Variants in C4orf36 observed in about 807,000 individuals in gnomAD.
The protein encoded by C4orf36 is uncharacterized protein C4orf36.
A neutral mutation model predicts 12.2 loss-of-function variants in C4orf36; 11 were observed. That is an observed-to-expected ratio of 0.90 (90% CI 0.57 to 1.49). C4orf36 has a LOEUF of 1.49. C4orf36 is among the 40% of genes most tolerant of loss of function. C4orf36 has a pLI of 0.00. For synonymous variants in C4orf36, 54 were observed against 51.3 expected (o/e 1.05, Z -0.22); for missense variants, 137 against 133.9 (o/e 1.02, Z -0.11).
the C4orf36 span, among the ~76,000 whole-genome samples, chr4:86,915,155 C>T: frequency 3.3e-5 from 5 of 152,116 alleles, no homozygotes; most frequent in African/African-American, 7.2e-5. Flanking sequence ...GGTGAAAGCC[C>T]TCCCATGCCA....
the C4orf36 span, among the ~76,000 whole-genome samples, chr4:86,921,965 A>C: frequency 6.6e-6 from 1 of 152,226 alleles, no homozygotes; most frequent in East Asian, 1.9e-4. Flanking sequence ...TCTTATTTCA[A>C]GTATAATTTT....
the C4orf36 span, among the ~76,000 whole-genome samples, chr4:86,908,611 T>A: frequency 6.6e-6 from 1 of 151,742 alleles, no homozygotes; most frequent in Non-Finnish European, 1.5e-5. Flanking sequence ...TCTCTCTCTC[T>A]CTCTCTCCCC....
the C4orf36 span, among the ~76,000 whole-genome samples, chr4:86,928,460 C>T: frequency 6.6e-6 from 1 of 152,146 alleles, no homozygotes; most frequent in Non-Finnish European, 1.5e-5. Flanking sequence ...CACCCAGAAG[C>T]CAGTTTCCCA....
the C4orf36 span, among the ~76,000 whole-genome samples, chr4:86,933,952 G>T: frequency 0.061 from 9,358 of 152,246 alleles, 418 homozygotes; most frequent in Non-Finnish European, 0.088. Context: ...GTAGCCAAAG[G>T]TTTAATTTGG....
chr4:86,892,208 G>A lies in C4orf36; in HGVS notation c.-99C>T. ...CTGGGCCCCACCCTGCCTCCGACTC[G>A]CCAGGAATGCGCTGTGTGCGCGGGG... On this transcript the variant is annotated 5_prime_UTR_variant, in exon 1 of 5. Transcript: ENST00000295898. 1.0e-6 allele frequency: 1 copy of A among 985,596 alleles called. No individual in the cohort carries two copies. Among genetic ancestry groups the A allele is most frequent in the Non-Finnish European group, 1.2e-6 (1 of 830,074 alleles). 61.1% of individuals were successfully genotyped at this position (985,596 alleles called of 1,614,324 possible).
At chr4:86,912,023 G>T in the C4orf36 span, among the ~76,000 whole-genome samples, 1 of 152,082 alleles carries the variant, frequency 6.6e-6, no homozygotes, top group Non-Finnish European at 1.5e-5. Context: ...ACCACACCCA[G>T]ATAATTTTTT....
chr4:86,887,995 TAAAC>T, intron 3 of C4orf36, 102 bp from the exon 4 acceptor site: 1 of 1,550,010 alleles, frequency 6.5e-7, no homozygotes, highest in South Asian at 1.2e-5. Context: ...GCCTGAATAA[TAAAC>T]AAGATGACAG....
chr4:86,901,808 A>G, the C4orf36 span, among the ~76,000 whole-genome samples: 1 of 152,164 alleles, frequency 6.6e-6, no homozygotes, highest in Non-Finnish European at 1.5e-5. Context: ...CCTGCCCAGC[A>G]TACTCCCACC....
chr4:86,897,380 C>T (rs1434408575), upstream of C4orf36, among the ~76,000 whole-genome samples: 2 of 151,972 alleles, frequency 1.3e-5, no homozygotes, highest in Non-Finnish European at 2.9e-5. Context: ...AAAAAACATA[C>T]ATACATAAAG....
chr4:86,918,068 CTAA>C, the C4orf36 span, among the ~76,000 whole-genome samples: 9,499 of 152,252 alleles, frequency 0.062, 412 homozygotes, highest in Non-Finnish European at 0.088. Flanking sequence ...TCTTTTCACT[CTAA>C]TGTCACATGG....
At chr4:86,891,240 A>G (rs1048676278) in intron 2 of C4orf36, among the ~76,000 whole-genome samples, 2 of 149,618 alleles carry the variant, frequency 1.3e-5, no homozygotes, top group African/African-American at 2.4e-5. Context: ...TCTCACTTGA[A>G]AGTGTTGTGT....
At chr4:86,897,797 G>A in the C4orf36 span, among the ~76,000 whole-genome samples, 1 of 152,114 alleles carries the variant, frequency 6.6e-6, no homozygotes, top group Non-Finnish European at 1.5e-5. Flanking sequence ...TGCAGAGCTG[G>A]AGTAGTGGGA....
chr4:86,876,488 A>G, intron 4 of C4orf36, 45 bp from the exon 5 acceptor site: 5 of 1,613,708 alleles, frequency 3.1e-6, no homozygotes, highest in Non-Finnish European at 2.5e-6. Flanking sequence ...TTTATCATCC[A>G]AATGAGGTAG....
chr4:86,884,306 T>C (rs1393352328), intron 4 of C4orf36, among the ~76,000 whole-genome samples: 2 of 148,880 alleles, frequency 1.3e-5, no homozygotes, highest in African/African-American at 2.5e-5. Context: ...TGAATTTTTT[T>C]TTTTTTTTTT....
the C4orf36 span, among the ~76,000 whole-genome samples, chr4:86,921,000 T>G: frequency 2.0e-4 from 31 of 151,828 alleles, 2 homozygotes; most frequent in East Asian, 3.7e-3. Flanking sequence ...ACCCCGTCTC[T>G]ACTAAAAATA....
At chr4:86,913,144 T>G in the C4orf36 span, 1 of 297,744 alleles carries the variant, frequency 3.4e-6, no homozygotes, top group Non-Finnish European at 6.4e-6. Flanking sequence ...GGTATTGGCG[T>G]GATATATGTT....
the C4orf36 span, among the ~76,000 whole-genome samples, chr4:86,934,031 G>C: frequency 1.3e-5 from 2 of 152,188 alleles, no homozygotes; most frequent in African/African-American, 4.8e-5. Flanking sequence ...GAGCAGTAGA[G>C]ACAAACAAAA....
chr4:86,880,063 A>C (rs1747014967), intron 4 of C4orf36, among the ~76,000 whole-genome samples: 1 of 152,112 alleles, frequency 6.6e-6, no homozygotes, highest in African/African-American at 2.4e-5. Context: ...CGTATTGCTC[A>C]AGCTGTTCTT....
chr4:86,880,707 A>G (rs1747032321), intron 4 of C4orf36, among the ~76,000 whole-genome samples: 1 of 152,212 alleles, frequency 6.6e-6, no homozygotes, highest in Non-Finnish European at 1.5e-5. Context: ...AAAACCATAG[A>G]AAAATATAAA....
Sources: gnomAD v4.1 joint callset for allele counts (sites outside exome capture counted in the v4.1 genomes callset) on GRCh38, gnomAD v4.1.1 for gene constraint, MANE v1.5 for transcripts, NCBI Gene and HGNC (gene_info 2026-07-23, HGNC 2026-07-21) for gene names.